Variants in IL22RA2 observed in about 807,000 individuals in gnomAD.
The protein encoded by IL22RA2 is interleukin 22 receptor subunit alpha 2, also known as interleukin-22 receptor subunit alpha-2.
A neutral mutation model predicts 30.7 loss-of-function variants in IL22RA2; 39 were observed. The ratio of observed to expected loss-of-function variants is 1.27; its 90% CI spans 0.98 to 1.66. The LOEUF (loss-of-function observed/expected upper bound fraction) is 1.66, where lower values mean the gene tolerates loss of function less well. IL22RA2 is among the 40% of genes most tolerant of loss of function. IL22RA2 has a pLI of 0.00. For synonymous variants in IL22RA2, 103 were observed against 105.0 expected (o/e 0.98, Z 0.11); for missense variants, 315 against 312.7 (o/e 1.01, Z -0.05).
At chr6:137,164,734 G>A (rs775669063) in intron 1 of IL22RA2, among the ~76,000 whole-genome samples, 23 of 152,320 alleles carry the variant, frequency 1.5e-4, no homozygotes, top group African/African-American at 2.4e-4. Flanking sequence ...AGGTCGGTCC[G>A]TGCCCAAGCA....
Position 137,158,380 on chromosome 6 carries a change from C to G in IL22RA2, c.164G>C (p.Gly55Ala). Residue 55 changes from glycine (G) to alanine (A), a missense_variant, in exon 3 of 7, where the codon GGC becomes GCC. Transcript: ENST00000296980. ...LQWQPGRALT[G>A]NSSVYFVQYK... ...CTGCACAAAATAGACACTGCTGTTGCCAGTAAGTGCCCTCCCAGGCTGCCA... is the reference window on the plus strand; with the variant it reads ...CTGCACAAAATAGACACTGCTGTTGGCAGTAAGTGCCCTCCCAGGCTGCCA... The G allele has an allele frequency of 6.2e-7, 1 of 1,614,160 alleles. No individual in the cohort carries two copies.
Position 137,145,549 on chromosome 6 carries a change from A to C in IL22RA2, c.*75T>G, listed in dbSNP as rs1778159945. ...AAATACAAAAACAATTTTAAATAAG[A>C]TCCTTCAAACACGAGTCATCCTGTT... is the stretch of plus-strand genomic sequence containing the variant. On this transcript the variant is annotated 3_prime_UTR_variant, in exon 7 of 7. Transcript: ENST00000296980. 2 of 1,351,130 alleles carry C rather than the reference A, an allele frequency of 1.5e-6. No individual in the cohort carries two copies. The highest frequency in any genetic ancestry group is 2.9e-5 in the African/African-American group (2 of 68,038). 83.7% of individuals were successfully genotyped at this position (1,351,130 alleles called of 1,614,324 possible).
chr6:137,148,575 T>C (rs1778225594), intron 5 of IL22RA2, among the ~76,000 whole-genome samples: 1 of 152,208 alleles, frequency 6.6e-6, no homozygotes, highest in Non-Finnish European at 1.5e-5. Flanking sequence ...GGTCTTCTGG[T>C]TCCCCTTTGA....
At chr6:137,156,659 C>A (rs1778413100) in intron 4 of IL22RA2, 100 bp downstream of exon 4, 1 of 1,467,308 alleles carries the variant, frequency 6.8e-7, no homozygotes, top group Non-Finnish European at 9.3e-7. Flanking sequence ...GGAATGGATT[C>A]AGGTATTCTG....
intron 1 of IL22RA2, among the ~76,000 whole-genome samples, chr6:137,163,256 G>A (rs1778561320): frequency 6.6e-6 from 1 of 152,214 alleles, no homozygotes; most frequent in Non-Finnish European, 1.5e-5. Context: ...CGTAGGAAAA[G>A]CCCTTTGCTC....
intron 4 of IL22RA2, among the ~76,000 whole-genome samples, chr6:137,156,272 G>T (rs1206340327): frequency 1.3e-5 from 2 of 152,126 alleles, no homozygotes; most frequent in Non-Finnish European, 2.9e-5. Flanking sequence ...AGAAGGAATT[G>T]GAGTCTGGGG....
chr6:137,167,590 T>A (rs1460485210), intron 1 of IL22RA2, among the ~76,000 whole-genome samples: 1 of 152,208 alleles, frequency 6.6e-6, no homozygotes, highest in Non-Finnish European at 1.5e-5. Flanking sequence ...CCAACCACTT[T>A]AGGGCCTTTA....
chr6:137,151,845 G>A (rs1778298395), intron 5 of IL22RA2, among the ~76,000 whole-genome samples: 2 of 152,116 alleles, frequency 1.3e-5, no homozygotes, highest in Admixed American at 6.5e-5. Context: ...AAAACCACAT[G>A]AGTTACCATT....
intron 1 of IL22RA2, among the ~76,000 whole-genome samples, chr6:137,166,945 G>T (rs1778637389): frequency 6.6e-6 from 1 of 152,242 alleles, no homozygotes; most frequent in Non-Finnish European, 1.5e-5. Context: ...GTGAAAACCT[G>T]CATGTGGGCT....
Position 137,147,895 on chromosome 6 carries a change from A to G in IL22RA2, c.473-4T>C. The stretch of plus-strand genomic sequence containing the variant: ...ATGACTGGAGGATCTATTTTTGCTG[A>G]AGAAAAAACATAAAAATTTGACAAA... On this transcript the variant is annotated splice_region_variant and splice_polypyrimidine_tract_variant and intron_variant, in intron 5 of 6. Transcript: ENST00000296980. 1.2e-6 allele frequency: 2 copies of G among 1,604,716 alleles called. No homozygotes were observed. The highest frequency in any genetic ancestry group is 1.7e-6 in the Non-Finnish European group (2 of 1,175,552).
Position 137,145,344 on chromosome 6 carries a change from T to A in IL22RA2, c.*280A>T, listed in dbSNP as rs1318421644. The stretch of plus-strand genomic sequence containing the variant: ...GAAGAATGAAGGTTGTTATTAGGGA[T>A]GTTACATTCAGAAATAAAGTTCTGA... On this transcript the variant is annotated 3_prime_UTR_variant, in exon 7 of 7. Coordinates refer to ENST00000296980, the MANE Select transcript of IL22RA2 (RefSeq NM_052962.3). 1 of 260,920 alleles carries A rather than the reference T, an allele frequency of 3.8e-6. No homozygotes were observed. The highest frequency in any genetic ancestry group is 2.3e-5 in the African/African-American group (1 of 44,310). The allele number at this position is 260,920 out of a possible 1,614,324, so 16.2% of individuals were successfully genotyped here.
chr6:137,156,908 G>T (rs964603807), intron 3 of IL22RA2, 54 bp from the exon 4 acceptor site: 1 of 1,577,630 alleles, frequency 6.3e-7, no homozygotes, highest in East Asian at 2.3e-5. Flanking sequence ...AACTCAAGGG[G>T]CATCCTGGCT....
intron 1 of IL22RA2, among the ~76,000 whole-genome samples, chr6:137,170,599 C>T (rs1778714222): frequency 6.6e-6 from 1 of 152,292 alleles, no homozygotes; most frequent in South Asian, 2.1e-4. Context: ...GTAGTTCCCA[C>T]CTTAAGATAT....
In IL22RA2 at chr6:137,161,751, G is replaced by C. The variant is rs1778526554; in HGVS notation, c.-2C>G. ...TAGAAAGCAATGTTTAGGCATCATGGTTGCAAGTGTGACTGTTCAGGCAAC... is the reference window on the plus strand; with the variant it reads ...TAGAAAGCAATGTTTAGGCATCATGCTTGCAAGTGTGACTGTTCAGGCAAC... On this transcript the variant is annotated 5_prime_UTR_variant, in exon 2 of 7. Coordinates refer to ENST00000296980, the MANE Select transcript of IL22RA2 (RefSeq NM_052962.3). 6.2e-7 allele frequency: 1 copy of C among 1,613,024 alleles called. No individual in the cohort carries two copies. The highest frequency in any genetic ancestry group is 8.5e-7 in the Non-Finnish European group (1 of 1,179,298).
At chr6:137,161,221 G>T (rs573826549) in intron 2 of IL22RA2, among the ~76,000 whole-genome samples, 1 of 152,220 alleles carries the variant, frequency 6.6e-6, no homozygotes, top group South Asian at 2.1e-4. Context: ...GGAAATTGAG[G>T]GTGTTAAGTA....
chr6:137,161,637 T>C (rs1275225464), intron 2 of IL22RA2, 52 bp downstream of exon 2: 8 of 1,467,774 alleles, frequency 5.5e-6, no homozygotes, highest in East Asian at 4.6e-5. Flanking sequence ...AGATCCTTGA[T>C]TGGACTCAGA....
At chr6:137,171,929 G>T (rs1205899103) in intron 1 of IL22RA2, among the ~76,000 whole-genome samples, 1 of 152,170 alleles carries the variant, frequency 6.6e-6, no homozygotes, top group African/African-American at 2.4e-5. Flanking sequence ...GAAGTTTTTG[G>T]TGCTTATAAG....
Position 137,145,765 on chromosome 6 carries a change from CT to C in IL22RA2, c.650del (p.Lys217ArgfsTer15). ...CCGCTCTGTGAGCCCCTTCATAAAC[CT>C]TTTGCTCCTACACACGAGAGAGAAA... ...IINNSLEKEQ[K>X]VYEGAHRAVE... On this transcript the variant is annotated frameshift_variant, in exon 7 of 7. Coordinates refer to ENST00000296980, the MANE Select transcript of IL22RA2 (RefSeq NM_052962.3). LOFTEE classifies it low-confidence loss of function (END_TRUNC). 6.2e-7 allele frequency: 1 copy of C among 1,613,838 alleles called. No homozygotes were observed. Among genetic ancestry groups the C allele is most frequent in the Non-Finnish European group, 8.5e-7 (1 of 1,179,898 alleles).
In IL22RA2 at chr6:137,160,634, A is replaced by G. The variant is rs573765441; in HGVS notation, c.61+1055T>C. Among the ~76,000 whole-genome samples the G allele has an allele frequency of 3.9e-5, 6 of 152,338 alleles. No individual in the cohort carries two copies. The East Asian group carries it at 1.2e-3, about 29-fold the overall frequency. ...GGCATTCATCAAACATTGAACATAT[A>G]TGAACATTAACTTATGTTAGGCACT... On this transcript the variant is annotated intron_variant, in intron 2 of 6. Coordinates refer to ENST00000296980, the MANE Select transcript of IL22RA2 (RefSeq NM_052962.3).
Sources: gnomAD v4.1 joint callset for allele counts (sites outside exome capture counted in the v4.1 genomes callset) on GRCh38, gnomAD v4.1.1 for gene constraint, MANE v1.5 for transcripts, NCBI Gene and HGNC (gene_info 2026-07-23, HGNC 2026-07-21) for gene names.